FHIT: variants seen among roughly 807,000 people sequenced by gnomAD.
FHIT encodes the protein bis(5'-adenosyl)-triphosphatase.
Under a neutral mutation model 17.9 loss-of-function variants are expected in FHIT, and 19 were observed. The observed-to-expected ratio is 1.06, with a 90% CI of 0.74 to 1.56. The LOEUF (loss-of-function observed/expected upper bound fraction) is 1.56, where lower values mean the gene tolerates loss of function less well. FHIT is among the 40% of genes most tolerant of loss of function. The pLI, the probability that FHIT is intolerant of heterozygous loss-of-function variation, is 0.00. For missense variants in FHIT, 248 were observed against 189.2 expected, an observed-to-expected ratio of 1.31 and a Z score of -1.82; for synonymous variants, 81 against 69.7, an observed-to-expected ratio of 1.16 and a Z score of -0.81.
At chr3:59,826,645 C>T (rs530245388) in intron 8 of FHIT, among the ~76,000 whole-genome samples, 3 of 152,204 alleles carry the variant, frequency 2.0e-5, no homozygotes, top group Non-Finnish European at 2.9e-5. Flanking sequence ...ACACAATGTG[C>T]GCGAGTGCGC....
At chr3:60,364,418 T>C (rs1700028137) in intron 5 of FHIT, among the ~76,000 whole-genome samples, 1 of 152,220 alleles carries the variant, frequency 6.6e-6, no homozygotes, top group Admixed American at 6.5e-5. Context: ...CACCTACAAC[T>C]TAGACAATAC....
chr3:60,864,045 C>G (rs942303068), intron 3 of FHIT, among the ~76,000 whole-genome samples: 8 of 152,116 alleles, frequency 5.3e-5, no homozygotes, highest in African/African-American at 1.9e-4. Flanking sequence ...GAAGGAGGAG[C>G]AAAGGTACAT....
At chr3:60,156,079 T>C (rs1700675986) in intron 5 of FHIT, among the ~76,000 whole-genome samples, 1 of 151,956 alleles carries the variant, frequency 6.6e-6, no homozygotes, top group African/African-American at 2.4e-5. Flanking sequence ...TAGGGCCGGG[T>C]GTGGGGGCTC....
rs73831992 is a variant in FHIT at position 60,193,877 on chromosome 3, G to C, written c.104-179725C>G. On this transcript the variant is annotated intron_variant, in intron 5 of 9. Transcript: ENST00000492590. ...GGTTCAGGAAAACATCCCAGGAAAAGAGGTGTTTGATATGGGTGTTAAAAA... is the reference window on the plus strand; with the variant it reads ...GGTTCAGGAAAACATCCCAGGAAAACAGGTGTTTGATATGGGTGTTAAAAA... Among the ~76,000 whole-genome samples, 1,120 of 152,268 alleles carry C rather than the reference G, an allele frequency of 7.4e-3. 13 individuals carry two copies. Among genetic ancestry groups the C allele is most frequent in the African/African-American group, 0.026 (1,085 of 41,552 alleles).
chr3:60,284,505 A>G (rs60972256), intron 5 of FHIT, among the ~76,000 whole-genome samples: 166 of 152,204 alleles, frequency 1.1e-3, no homozygotes, highest in African/African-American at 3.8e-3. Flanking sequence ...TAGTTTTACC[A>G]TGAGTTTTCA....
At chr3:61,208,859 A>G (rs570486788) in intron 1 of FHIT, among the ~76,000 whole-genome samples, 29 of 152,156 alleles carry the variant, frequency 1.9e-4, no homozygotes, top group African/African-American at 6.5e-4. Context: ...TCCTGTCATT[A>G]TGATGTTAGC....
At chr3:60,288,134 G>A (rs533022099) in intron 5 of FHIT, among the ~76,000 whole-genome samples, 9 of 152,236 alleles carry the variant, frequency 5.9e-5, no homozygotes, top group East Asian at 1.9e-4. Flanking sequence ...GGAAGTTGGC[G>A]CTGGCTGTTG....
At chr3:60,572,941 T>C (rs1278330242) in intron 4 of FHIT, among the ~76,000 whole-genome samples, 1 of 152,192 alleles carries the variant, frequency 6.6e-6, no homozygotes, top group Non-Finnish European at 1.5e-5. Context: ...GCATTTCGTT[T>C]CATCCTCTTG....
At chr3:59,845,648 C>T (rs1393948192) in intron 8 of FHIT, among the ~76,000 whole-genome samples, 1 of 152,112 alleles carries the variant, frequency 6.6e-6, no homozygotes, top group African/African-American at 2.4e-5. Context: ...ACACTCTGTA[C>T]AATGTCTGTC....
intron 4 of FHIT, among the ~76,000 whole-genome samples, chr3:60,563,270 T>C (rs2037018629): frequency 6.6e-6 from 1 of 152,122 alleles, no homozygotes; most frequent in Admixed American, 6.6e-5. Context: ...TACTGATGAA[T>C]AGAAATGTGG....
chr3:59,936,967 G>C (rs988845765), intron 7 of FHIT, among the ~76,000 whole-genome samples: 14 of 152,180 alleles, frequency 9.2e-5, no homozygotes, highest in Non-Finnish European at 1.9e-4. Flanking sequence ...ATTTGGGGAA[G>C]GTCAAGATAC....
chr3:60,526,230 C>T lies in FHIT; in HGVS notation c.103+10630G>A, dbSNP rs191666540. Among the ~76,000 whole-genome samples, 441 of 152,158 alleles carry T rather than the reference C, an allele frequency of 2.9e-3. 1 individual carries two copies. The highest frequency in any genetic ancestry group is 0.01 in the African/African-American group (423 of 41,524). ...CATCTGCTGGGAGCCTCTGCAAATA[C>T]GGTAGTCTGCACTGGTGAATTAACA... is the stretch of plus-strand genomic sequence containing the variant. On this transcript the variant is annotated intron_variant, in intron 5 of 9. Coordinates refer to ENST00000492590, the MANE Select transcript of FHIT (RefSeq NM_002012.4).
At chr3:61,053,312 G>A (rs1000242772) in intron 2 of FHIT, among the ~76,000 whole-genome samples, 2 of 152,088 alleles carry the variant, frequency 1.3e-5, no homozygotes, top group African/African-American at 2.4e-5. Context: ...AAAATGTCCT[G>A]GAAAGAAAAA....
chr3:60,786,611 T>C (rs1478600424), intron 4 of FHIT, among the ~76,000 whole-genome samples: 1 of 152,190 alleles, frequency 6.6e-6, no homozygotes, highest in African/African-American at 2.4e-5. Flanking sequence ...TCACAGTCCT[T>C]GGCATGGAAT....
chr3:60,470,827 G>C (rs1264512465), intron 5 of FHIT, among the ~76,000 whole-genome samples: 1 of 152,134 alleles, frequency 6.6e-6, no homozygotes, highest in African/African-American at 2.4e-5. Context: ...GTTCACAACT[G>C]AAGCCAGCAG....
rs117071964 is a variant in FHIT at position 60,830,329 on chromosome 3, G to T, written c.-110-8318C>A. On this transcript the variant is annotated intron_variant, in intron 3 of 9. Transcript: ENST00000492590. ...CTGTAGTCTCCAGGTTCAGAGGAAA[G>T]AACTCAAAAAAGTGGCTGAAAAGTT... 4.1e-4 allele frequency among the ~76,000 whole-genome samples: 62 copies of T among 152,222 alleles called. No homozygotes were observed. The East Asian group carries it at 0.011, about 27-fold the overall frequency.
intron 5 of FHIT, among the ~76,000 whole-genome samples, chr3:60,191,269 A>G (rs1702391492): frequency 6.6e-6 from 1 of 152,186 alleles, no homozygotes; most frequent in African/African-American, 2.4e-5. Context: ...TAATGCTTAA[A>G]CACATGTTTT....
At chr3:60,601,857 C>T (rs1553668888) in intron 4 of FHIT, among the ~76,000 whole-genome samples, 5 of 151,938 alleles carry the variant, frequency 3.3e-5, no homozygotes, top group Non-Finnish European at 5.9e-5. Flanking sequence ...AAAGGAAATT[C>T]CAGAGTTAAG....
intron 4 of FHIT, among the ~76,000 whole-genome samples, chr3:60,556,032 C>T (rs1416539493): frequency 6.6e-6 from 1 of 152,158 alleles, no homozygotes; most frequent in African/African-American, 2.4e-5. Flanking sequence ...TCTGCCTTGT[C>T]CTCCTTTTCA....
Sources: allele counts gnomAD v4.1 joint callset (sites outside exome capture counted in the v4.1 genomes callset), GRCh38; gene constraint gnomAD v4.1.1; transcripts MANE v1.5; gene names NCBI Gene and HGNC (gene_info 2026-07-23, HGNC 2026-07-21).